LAMP2: variants seen among roughly 807,000 people sequenced by gnomAD.
LAMP2 encodes the protein lysosome associated membrane protein 2.
LAMP2 carries 4 observed loss-of-function variants against 25.6 expected under a neutral mutation model. That is an observed-to-expected ratio of 0.16 (90% CI 0.08 to 0.36). The LOEUF (loss-of-function observed/expected upper bound fraction) is 0.36. LAMP2 is among the 10% of genes least tolerant of loss of function. LAMP2 has a pLI of 1.00. For missense variants in LAMP2, 272 were observed against 301.4 expected (o/e 0.90, Z 0.72); for synonymous variants, 108 against 112.7 (o/e 0.96, Z 0.27).
At chrX:120,466,886 A>G (rs959905788) in intron 1 of LAMP2, among the ~76,000 whole-genome samples, 4 of 96,305 alleles carry the variant, frequency 4.2e-5, no homozygotes, top group African/African-American at 1.6e-4. Flanking sequence ...CATGTTGCCC[A>G]GGCTGGAATG....
intron 8 of LAMP2, among the ~76,000 whole-genome samples, chrX:120,439,632 G>GCACATTATATATGATATATAATGCA (rs1230277755): frequency 9.2e-5 from 10 of 108,477 alleles, no homozygotes; most frequent in Admixed American, 9.9e-5. Context: ...TATAATATAT[G>GCACATTATATATGATATATAATGCA]CACATTATAT....
chrX:120,450,132 A>G (rs765663407), intron 3 of LAMP2, among the ~76,000 whole-genome samples: 1 of 112,411 alleles, frequency 8.9e-6, no homozygotes, highest in African/African-American at 3.2e-5. Flanking sequence ...TTCCTGGATT[A>G]CATTTAAAGA....
Position 120,455,403 on chromosome X carries a change from G to A in LAMP2, c.351C>T (p.Ser117=). Residue 117 remains serine, a synonymous_variant, in exon 3 of 9, where the codon TCC becomes TCT. Coordinates refer to ENST00000200639, the MANE Select transcript of LAMP2 (RefSeq NM_002294.3). ...ATGTTGTGTTATCACCAGTGTTGTA[G>A]GAAAATGAGACGCTGTCAATTGAAT... The part of the protein sequence containing the change: ...STYSIDSVSF[S]YNTGDNTTFP... The A allele has an allele frequency of 8.3e-7, 1 of 1,210,454 alleles. No homozygotes were observed. The highest frequency in any genetic ancestry group is 1.1e-6 in the Non-Finnish European group (1 of 894,607).
At position 120,428,220 on chromosome X, in the gene LAMP2, GC is replaced by G; in HGVS notation, c.*3102del. The G allele has an allele frequency of 4.4e-6, 1 of 224,936 alleles. No individual in the cohort carries two copies. The highest frequency in any genetic ancestry group is 7.9e-6 in the Non-Finnish European group (1 of 126,957). 18.5% of individuals were successfully genotyped at this position (224,936 alleles called of 1,213,427 possible). A position where few individuals can be genotyped will look rare whatever the true frequency, so the allele number is the denominator to read the frequency against. On this transcript the variant is annotated 3_prime_UTR_variant, in exon 9 of 9. Coordinates refer to ENST00000200639, the MANE Select transcript of LAMP2 (RefSeq NM_002294.3). The stretch of plus-strand genomic sequence containing the variant: ...AATGCTTTCATAATTGGATCCAGGG[GC>G]TTAAAATCATTATTTACTTAAAAAA...
At chrX:120,436,950 T>C in intron 8 of LAMP2, 1 of 753,052 alleles carries the variant, frequency 1.3e-6, no homozygotes, top group South Asian at 6.7e-5. Flanking sequence ...TTCCAATTAT[T>C]TTTTTAAAGC....
chrX:120,435,888 C>T (rs2043188722), intron 8 of LAMP2, among the ~76,000 whole-genome samples: 1 of 110,907 alleles, frequency 9.0e-6, no homozygotes, highest in South Asian at 3.8e-4. Context: ...CTGGAAGGCT[C>T]AAGTATTTTA....
chrX:120,457,182 G>A (rs1921130760), intron 1 of LAMP2, among the ~76,000 whole-genome samples: 1 of 111,446 alleles, frequency 9.0e-6, no homozygotes, highest in Admixed American at 9.6e-5. Context: ...AGGACTTGTG[G>A]TTTTTGCGGT....
Position 120,431,350 on chromosome X carries a change from G to A in LAMP2, c.1206C>T (p.His402=). The A allele has an allele frequency of 8.3e-7, 1 of 1,209,841 alleles. No homozygotes were observed. The highest frequency in any genetic ancestry group is 1.1e-6 in the Non-Finnish European group (1 of 893,789). ...VLLAYFIGLK[H]HHAGYEQF ...AAAATTGCTCATATCCAGCATGATGGTGCTTGAGACCAATAAAATAAGCCA... is the reference window on the plus strand; with the variant it reads ...AAAATTGCTCATATCCAGCATGATGATGCTTGAGACCAATAAAATAAGCCA... The change falls in exon 9 of 9, where the codon CAC becomes CAT. Residue 402 remains histidine (H), a synonymous_variant. Coordinates refer to ENST00000200639, the MANE Select transcript of LAMP2 (RefSeq NM_002294.3).
chrX:120,454,172 C>T (rs2058634212), intron 3 of LAMP2, among the ~76,000 whole-genome samples: 1 of 108,308 alleles, frequency 9.2e-6, no homozygotes, highest in Non-Finnish European at 1.9e-5. Context: ...AGTATATCAA[C>T]GTTGTCTACA....
chrX:120,448,110 A>C, intron 4 of LAMP2, 85 bp from the exon 5 acceptor site: 5 of 842,743 alleles, frequency 5.9e-6, no homozygotes, highest in Non-Finnish European at 8.9e-6. Flanking sequence ...AAAAATTCTC[A>C]TAATAGAAGT....
In LAMP2 at chrX:120,456,677, G is replaced by A. The variant is rs752321157; in HGVS notation, c.157C>T (p.Arg53Cys). 1.3e-4 allele frequency: 148 copies of A among 1,145,050 alleles called. No individual in the cohort carries two copies. Among genetic ancestry groups the A allele is most frequent in the South Asian group, 2.8e-4 (15 of 53,023 alleles). The allele number at this position is 1,145,050 out of a possible 1,213,427, so 94.4% of individuals were successfully genotyped here. ...TAAGTTTTATTTGTAGTTTCATAGC[G>A]TACTGTGAAATTCATCTGCCATTTT... The part of the protein sequence containing the change: ...YAKWQMNFTV[R>C]YETTNKTYKT... The change falls in exon 2 of 9, where the codon CGC (arginine) becomes TGC (cysteine). Residue 53 changes from arginine (R) to cysteine (C), a missense_variant. Transcript: ENST00000200639.
intron 5 of LAMP2, among the ~76,000 whole-genome samples, chrX:120,447,160 C>G (rs1204685819): frequency 8.9e-6 from 1 of 112,348 alleles, no homozygotes; most frequent in Non-Finnish European, 1.9e-5. Flanking sequence ...AATTCCAGCA[C>G]TTTGAGAGGC....
intron 3 of LAMP2, among the ~76,000 whole-genome samples, chrX:120,453,325 C>T (rs911444600): frequency 8.9e-6 from 1 of 111,765 alleles, no homozygotes; most frequent in African/African-American, 3.3e-5. Flanking sequence ...CTGGTTCTTT[C>T]GAATAGGATC....
intron 8 of LAMP2, among the ~76,000 whole-genome samples, chrX:120,435,142 CAAAA>C (rs1329242121): frequency 9.0e-6 from 1 of 111,658 alleles, no homozygotes; most frequent in Non-Finnish European, 1.9e-5. Context: ...TCAAACAAAA[CAAAA>C]CAAACAAACA....
intron 1 of LAMP2, among the ~76,000 whole-genome samples, chrX:120,457,639 T>G (rs772649009): frequency 8.9e-6 from 1 of 112,231 alleles, no homozygotes; most frequent in African/African-American, 3.2e-5. Context: ...CACTTAAACA[T>G]AGAAACATTA....
intron 1 of LAMP2, among the ~76,000 whole-genome samples, chrX:120,459,921 G>T (rs866852839): frequency 8.9e-6 from 1 of 112,062 alleles, no homozygotes; most frequent in Non-Finnish European, 1.9e-5. Flanking sequence ...CACATATTTT[G>T]TATGTTATAT....
intron 1 of LAMP2, among the ~76,000 whole-genome samples, chrX:120,467,893 G>A (rs1227308992): frequency 8.9e-6 from 1 of 112,080 alleles, no homozygotes; most frequent in Admixed American, 9.5e-5. Context: ...CGCCCAAGCA[G>A]CTGGGATTAC....
intron 8 of LAMP2, among the ~76,000 whole-genome samples, chrX:120,440,321 G>A (rs1387469769): frequency 9.0e-6 from 1 of 111,529 alleles, no homozygotes; most frequent in Non-Finnish European, 1.9e-5. Flanking sequence ...GCCTAAGGGG[G>A]CTATTTTTTT....
chrX:120,434,768 A>G (rs1325249367), intron 8 of LAMP2, among the ~76,000 whole-genome samples: 1 of 112,112 alleles, frequency 8.9e-6, no homozygotes, highest in Non-Finnish European at 1.9e-5. Context: ...TTCAAACACA[A>G]TTTTCAACAC....
Sources: allele counts gnomAD v4.1 joint callset (sites outside exome capture counted in the v4.1 genomes callset), GRCh38; gene constraint gnomAD v4.1.1; transcripts MANE v1.5; gene names NCBI Gene and HGNC (gene_info 2026-07-23, HGNC 2026-07-21).